The following PALS1 variants were observed in gnomAD, a reference collection of about 807,000 sequenced individuals.
PALS1 encodes the protein protein PALS1.
A neutral mutation model predicts 78.9 loss-of-function variants in PALS1; 31 were observed. The observed-to-expected ratio is 0.39, with a 90% CI of 0.30 to 0.53. The LOEUF is 0.53. Among genes scored for constraint, PALS1 ranks in the 20% least tolerant of loss-of-function variants. The pLI is 0.67. For synonymous variants in PALS1, 276 were observed against 270.9 expected, an observed-to-expected ratio of 1.02 and a Z score of -0.18; for missense variants, 704 against 826.5, an observed-to-expected ratio of 0.85 and a Z score of 1.82.
At chr14:67,275,852 G>C (rs2084494523) in intron 2 of PALS1, among the ~76,000 whole-genome samples, 1 of 151,896 alleles carries the variant, frequency 6.6e-6, no homozygotes, top group African/African-American at 2.4e-5. Flanking sequence ...GTCTTGGGAG[G>C]GTATATGTGT....
chr14:67,287,058 A>G, intron 3 of PALS1, among the ~76,000 whole-genome samples: 1 of 152,080 alleles, frequency 6.6e-6, no homozygotes, highest in Non-Finnish European at 1.5e-5. Flanking sequence ...TCTACAAAAA[A>G]TACAAAAAAA....
At chr14:67,256,579 G>C (rs545057204) in intron 1 of PALS1, among the ~76,000 whole-genome samples, 41 of 151,400 alleles carry the variant, frequency 2.7e-4, no homozygotes, top group Middle Eastern at 3.4e-3. Flanking sequence ...ATGGAGTCTC[G>C]CTCTGTTGCC....
intron 1 of PALS1, among the ~76,000 whole-genome samples, chr14:67,256,961 GAC>G (rs1345590568): frequency 1.3e-5 from 2 of 152,298 alleles, no homozygotes; most frequent in South Asian, 2.1e-4. Flanking sequence ...ACGCGGCTGT[GAC>G]ACAGCCTCAG....
intron 1 of PALS1, among the ~76,000 whole-genome samples, chr14:67,251,062 C>A (rs970676522): frequency 4.6e-5 from 7 of 152,092 alleles, no homozygotes; most frequent in African/African-American, 1.7e-4. Context: ...AATATTTTTT[C>A]CATAGTCCTA....
At chr14:67,246,278 C>CA (rs1176478986) in intron 1 of PALS1, among the ~76,000 whole-genome samples, 1 of 151,332 alleles carries the variant, frequency 6.6e-6, no homozygotes, top group Non-Finnish European at 1.5e-5. Flanking sequence ...ACAGGCGTGC[C>CA]ACCGCACTTG....
chr14:67,281,138 C>T (rs1387594339), intron 3 of PALS1, among the ~76,000 whole-genome samples: 1 of 151,888 alleles, frequency 6.6e-6, no homozygotes, highest in African/African-American at 2.4e-5. Flanking sequence ...ACCTCATGAT[C>T]TGCCCTCCTT....
At chr14:67,257,145 A>G (rs1272220006) in intron 1 of PALS1, among the ~76,000 whole-genome samples, 1 of 152,158 alleles carries the variant, frequency 6.6e-6, no homozygotes, top group Non-Finnish European at 1.5e-5. Flanking sequence ...TAGGTAAGAG[A>G]CAAATGGTTG....
intron 14 of PALS1, among the ~76,000 whole-genome samples, chr14:67,329,647 G>A (rs1361737500): frequency 6.6e-6 from 1 of 151,914 alleles, no homozygotes; most frequent in Non-Finnish European, 1.5e-5. Flanking sequence ...TTTGAGATAC[G>A]GCGGACGCAT....
At chr14:67,314,524 A>G (rs1052037886) in intron 9 of PALS1, among the ~76,000 whole-genome samples, 3 of 152,202 alleles carry the variant, frequency 2.0e-5, no homozygotes, top group Non-Finnish European at 2.9e-5. Context: ...GTGATTCTTC[A>G]GAGTAACAGT....
chr14:67,276,263 T>C (rs564594261), intron 2 of PALS1, among the ~76,000 whole-genome samples: 33 of 152,224 alleles, frequency 2.2e-4, no homozygotes, highest in African/African-American at 8.0e-4. Context: ...TCATTATTCA[T>C]GTACAGCATG....
chr14:67,301,781 G>A (rs2084935431), intron 5 of PALS1, among the ~76,000 whole-genome samples, 191 bp from the exon 6 acceptor site: 1 of 152,086 alleles, frequency 6.6e-6, no homozygotes, highest in South Asian at 2.1e-4. Context: ...AGTTTAGTAA[G>A]CATTTTAGAC....
chr14:67,254,231 C>G (rs1022528913), intron 1 of PALS1: 1 of 134,016 alleles, frequency 7.5e-6, no homozygotes, highest in African/African-American at 2.9e-5. Context: ...GATACGGACT[C>G]TGCCTCAGCA....
rs532923506 is a variant in PALS1, at chr14:67,242,627, A to AT, written c.-237+1106dup. On this transcript the variant is annotated intron_variant, in intron 1 of 14. Coordinates refer to ENST00000261681, the MANE Select transcript of PALS1 (RefSeq NM_022474.4). The stretch of plus-strand genomic sequence containing the variant: ...AAGCTTCCTTGAATTAAGAACTACG[A>AT]TTTTTTTTTTTTACTAGATCCCTGT... Among the ~76,000 whole-genome samples the AT allele has an allele frequency of 5.0e-3, 727 of 146,226 alleles. 4 individuals are homozygous for AT. Among genetic ancestry groups the AT allele is most frequent in the African/African-American group, 0.01 (407 of 40,068 alleles).
At chr14:67,326,677 A>G (rs368419970) in intron 14 of PALS1, among the ~76,000 whole-genome samples, 1 of 152,080 alleles carries the variant, frequency 6.6e-6, no homozygotes, top group Admixed American at 6.5e-5. Context: ...TTCTGTCACT[A>G]TAGATTTGTT....
intron 8 of PALS1, among the ~76,000 whole-genome samples, chr14:67,304,300 A>AG (rs1468723215): frequency 6.6e-6 from 1 of 152,184 alleles, no homozygotes; most frequent in East Asian, 1.9e-4. Context: ...CAAAGTATAT[A>AG]TCCAAAAGGA....
At chr14:67,306,226 T>C (rs1326588766) in intron 8 of PALS1, among the ~76,000 whole-genome samples, 1 of 152,186 alleles carries the variant, frequency 6.6e-6, no homozygotes, top group African/African-American at 2.4e-5. Context: ...CGCCTTGGCC[T>C]CCCAAAGTGC....
chr14:67,256,956 G>A (rs1258284258), intron 1 of PALS1, among the ~76,000 whole-genome samples: 1 of 152,160 alleles, frequency 6.6e-6, no homozygotes, highest in Non-Finnish European at 1.5e-5. Flanking sequence ...TAAGGACGCG[G>A]CTGTGACACA....
chr14:67,301,595 T>A, intron 5 of PALS1, 129 bp downstream of exon 5: 1 of 508,968 alleles, frequency 2.0e-6, no homozygotes, highest in Non-Finnish European at 3.4e-6. Context: ...CAACCCCATC[T>A]ATAACATAGT....
chr14:67,254,615 C>T (rs1183854096), intron 1 of PALS1, among the ~76,000 whole-genome samples: 3 of 152,132 alleles, frequency 2.0e-5, no homozygotes, highest in Non-Finnish European at 2.9e-5. Context: ...TCTACTGTCA[C>T]TGCTTCAGTT....
Sources: gnomAD v4.1 joint callset for allele counts (sites outside exome capture counted in the v4.1 genomes callset) on GRCh38, gnomAD v4.1.1 for gene constraint, MANE v1.5 for transcripts, NCBI Gene and HGNC (gene_info 2026-07-23, HGNC 2026-07-21) for gene names.